MAN1A2: variants seen among roughly 807,000 people sequenced by gnomAD.
MAN1A2 encodes mannosyl-oligosaccharide 1,2-alpha-mannosidase IB.
Under a neutral mutation model 75.7 loss-of-function variants are expected in MAN1A2, and 26 were observed. The observed-to-expected ratio is 0.34, with a 90% CI of 0.25 to 0.48. The LOEUF (loss-of-function observed/expected upper bound fraction) is 0.48. MAN1A2 is among the 20% of genes least tolerant of loss of function. The probability of loss-of-function intolerance (pLI) is 0.99; values close to 1 mark genes in which losing one functional copy is unlikely to be tolerated. For synonymous variants in MAN1A2, 247 were observed against 264.6 expected (o/e 0.93, Z 0.65); for missense variants, 562 against 775.5 (o/e 0.72, Z 3.27).
In MAN1A2 at chr1:117,524,100, TTA is replaced by T. The variant is rs1185933466; in HGVS notation, c.*1145_*1146del. 6.6e-6 allele frequency: 1 copy of T among 152,152 alleles called. No homozygotes were observed. Among genetic ancestry groups the T allele is most frequent in the Non-Finnish European group, 1.5e-5 (1 of 67,790 alleles). 9.4% of individuals were successfully genotyped at this position (152,152 alleles called of 1,614,324 possible). ...GATGAGTGAGTTGTTCACAGATATT[TTA>T]TGTTTTTTTAATTTTCTCCAAGAAT... On this transcript the variant is annotated 3_prime_UTR_variant, in exon 13 of 13. Transcript: ENST00000356554.
Position 117,526,079 on chromosome 1 carries a change from C to T in MAN1A2, c.*3122C>T, listed in dbSNP as rs1441230298. On this transcript the variant is annotated 3_prime_UTR_variant, in exon 13 of 13. Coordinates refer to ENST00000356554, the MANE Select transcript of MAN1A2 (RefSeq NM_006699.5). ...TCATCATCCTCTCATCTTCTCCACT[C>T]TCCATTGCCAAAGTCTTTGTCAAAA... 1 of 151,830 alleles carries T rather than the reference C, an allele frequency of 6.6e-6. No individual in the cohort carries two copies. Among genetic ancestry groups the T allele is most frequent in the African/African-American group, 2.4e-5 (1 of 41,408 alleles). The allele number at this position is 151,830 out of a possible 1,614,324, so 9.4% of individuals were successfully genotyped here.
At chr1:117,375,916 T>TTG (rs1477265897) in intron 1 of MAN1A2, among the ~76,000 whole-genome samples, 1 of 8,084 alleles carries the variant, frequency 1.2e-4, no homozygotes, top group East Asian at 1.5e-3. Flanking sequence ...TTAATTTATG[T>TTG]TTTTTTTTTT....
At chr1:117,372,443 C>T (rs1252557266) in intron 1 of MAN1A2, among the ~76,000 whole-genome samples, 1 of 152,092 alleles carries the variant, frequency 6.6e-6, no homozygotes, top group Admixed American at 6.6e-5. Flanking sequence ...TTAATTAATG[C>T]CCTAATTTAT....
intron 8 of MAN1A2, among the ~76,000 whole-genome samples, chr1:117,477,783 A>C (rs767915902): frequency 2.0e-5 from 3 of 152,074 alleles, no homozygotes; most frequent in African/African-American, 7.2e-5. Flanking sequence ...AGTCCTGGCC[A>C]GGGCAGTCAG....
intron 5 of MAN1A2, among the ~76,000 whole-genome samples, chr1:117,435,233 A>G (rs1204375246): frequency 6.6e-6 from 1 of 152,120 alleles, no homozygotes; most frequent in Non-Finnish European, 1.5e-5. Context: ...ACATTGTGAA[A>G]TTGTCCAGAG....
In MAN1A2 at chr1:117,489,104, A is replaced by C. The variant is rs541750278; in HGVS notation, c.1169-4043A>C. ...AGATTCACCCTGATTCTCTTTAATG[A>C]TTGTGCAGTCCTCCATAGTACGTTT... On this transcript the variant is annotated intron_variant, in intron 8 of 12. Coordinates refer to ENST00000356554, the MANE Select transcript of MAN1A2 (RefSeq NM_006699.5). Among the ~76,000 whole-genome samples, 5 of 152,172 alleles carry C rather than the reference A, an allele frequency of 3.3e-5. No homozygotes were observed. In the South Asian group the frequency reaches 6.2e-4, roughly 19 times the overall value.
intron 3 of MAN1A2, among the ~76,000 whole-genome samples, chr1:117,414,116 A>T: frequency 6.7e-6 from 1 of 149,052 alleles, no homozygotes. Flanking sequence ...TATTATTTTG[A>T]TTTTCTCTAC....
intron 7 of MAN1A2, among the ~76,000 whole-genome samples, chr1:117,463,853 A>T (rs1328020375): frequency 6.6e-6 from 1 of 152,212 alleles, no homozygotes; most frequent in Non-Finnish European, 1.5e-5. Flanking sequence ...ACCTAAAATG[A>T]TGTATCCCCA....
At chr1:117,520,133 A>G (rs1405931941) in intron 12 of MAN1A2, among the ~76,000 whole-genome samples, 1 of 152,028 alleles carries the variant, frequency 6.6e-6, no homozygotes, top group Non-Finnish European at 1.5e-5. Context: ...CCGTTTTATG[A>G]TTAAAACTCT....
rs994881361 is a variant in MAN1A2, at chr1:117,473,445, A to C, written c.1168+7018A>C. ...TCAGTCTATTCCTAATACAGGAGCCAGTAATTTTTTACAAAGTAAGTCACA... is the reference window on the plus strand; with the variant it reads ...TCAGTCTATTCCTAATACAGGAGCCCGTAATTTTTTACAAAGTAAGTCACA... On this transcript the variant is annotated intron_variant, in intron 8 of 12. Coordinates refer to ENST00000356554, the MANE Select transcript of MAN1A2 (RefSeq NM_006699.5). 3.9e-5 allele frequency among the ~76,000 whole-genome samples: 6 copies of C among 152,184 alleles called. No homozygotes were observed. The East Asian group carries it at 1.2e-3, about 30-fold the overall frequency.
At chr1:117,488,673 A>T (rs1650788533) in intron 8 of MAN1A2, among the ~76,000 whole-genome samples, 1 of 152,106 alleles carries the variant, frequency 6.6e-6, no homozygotes, top group African/African-American at 2.4e-5. Context: ...TGGTATATAC[A>T]TGTGTAAACA....
At chr1:117,505,799 T>G (rs969608125) in intron 12 of MAN1A2, among the ~76,000 whole-genome samples, 2 of 151,374 alleles carry the variant, frequency 1.3e-5, no homozygotes, top group Non-Finnish European at 3.0e-5. Context: ...ATAAAATGAC[T>G]TAAATTGGAT....
intron 8 of MAN1A2, among the ~76,000 whole-genome samples, chr1:117,485,590 C>T (rs995143391): frequency 2.0e-5 from 3 of 151,748 alleles, no homozygotes; most frequent in African/African-American, 7.3e-5. Context: ...ACAATAGATA[C>T]CAGTAAACAA....
At chr1:117,426,291 C>A (rs1330764475) in intron 5 of MAN1A2, among the ~76,000 whole-genome samples, 1 of 150,736 alleles carries the variant, frequency 6.6e-6, no homozygotes, top group East Asian at 2.0e-4. Context: ...GTGGTTTTTA[C>A]TTTGTGTGTG....
intron 7 of MAN1A2, among the ~76,000 whole-genome samples, chr1:117,462,464 G>A (rs1401930378): frequency 6.6e-6 from 1 of 152,096 alleles, no homozygotes; most frequent in East Asian, 1.9e-4. Context: ...AATATATAGA[G>A]ATGAATCTCT....
intron 4 of MAN1A2, among the ~76,000 whole-genome samples, chr1:117,415,655 T>TA (rs2101772633): frequency 9.1e-6 from 1 of 109,680 alleles, no homozygotes; most frequent in South Asian, 3.3e-4. Flanking sequence ...TTAAACAAGA[T>TA]AGATATTTAT....
chr1:117,434,793 G>GTA (rs1648798132), intron 5 of MAN1A2, among the ~76,000 whole-genome samples: 1 of 129,460 alleles, frequency 7.7e-6, no homozygotes, highest in South Asian at 2.5e-4. Context: ...GTGTGTGTGT[G>GTA]TGTATCCATT....
intron 11 of MAN1A2, among the ~76,000 whole-genome samples, chr1:117,502,280 A>G (rs892554687): frequency 1.3e-5 from 2 of 151,644 alleles, no homozygotes; most frequent in Non-Finnish European, 3.0e-5. Flanking sequence ...TTTATATTGT[A>G]ATTATTATTG....
In MAN1A2 at chr1:117,523,696, A is replaced by T. The variant is rs147440173; in HGVS notation, c.*739A>T. 900 of 156,128 alleles carry T rather than the reference A, an allele frequency of 5.8e-3. 11 individuals carry two copies. The highest frequency in any genetic ancestry group is 0.021 in the African/African-American group (852 of 41,544). 9.7% of individuals were successfully genotyped at this position (156,128 alleles called of 1,614,324 possible). On this transcript the variant is annotated 3_prime_UTR_variant, in exon 13 of 13. Coordinates refer to ENST00000356554, the MANE Select transcript of MAN1A2 (RefSeq NM_006699.5). ...CTGCTATTTATCATAATCACCACTT[A>T]TGAGCCTGGGTTTGGGATTTTGTGC...
Sources: gnomAD v4.1 joint callset for allele counts (sites outside exome capture counted in the v4.1 genomes callset) on GRCh38, gnomAD v4.1.1 for gene constraint, MANE v1.5 for transcripts, NCBI Gene and HGNC (gene_info 2026-07-23, HGNC 2026-07-21) for gene names.